The following OGDH variants were observed in gnomAD, a reference collection of about 807,000 sequenced individuals.
The protein encoded by OGDH is oxoglutarate dehydrogenase.
A neutral mutation model predicts 116.6 loss-of-function variants in OGDH; 38 were observed. The ratio of observed to expected loss-of-function variants is 0.33; its 90% CI spans 0.25 to 0.43. The LOEUF (loss-of-function observed/expected upper bound fraction) is 0.43, where lower values mean the gene tolerates loss of function less well. OGDH is among the 20% of genes least tolerant of loss of function. OGDH has a pLI of 1.00. For synonymous variants in OGDH, 488 were observed against 533.3 expected (o/e 0.92, Z 1.17); for missense variants, 825 against 1,357.2 (o/e 0.61, Z 6.16).
chr7:44,685,219 G>A (rs937359974), intron 10 of OGDH, among the ~76,000 whole-genome samples: 3 of 152,088 alleles, frequency 2.0e-5, no homozygotes, highest in African/African-American at 7.2e-5. Context: ...CTCCAAAACT[G>A]TTTCGTCTCC....
In OGDH at chr7:44,697,820, G is replaced by T. The variant is rs1286658766; in HGVS notation, c.2358+38G>T. 1 of 1,595,298 alleles carries T rather than the reference G, an allele frequency of 6.3e-7. No homozygotes were observed. Among genetic ancestry groups the T allele is most frequent in the Admixed American group, 1.7e-5 (1 of 58,448 alleles). On this transcript the variant is annotated intron_variant, in intron 17 of 22. Coordinates refer to ENST00000222673, the MANE Select transcript of OGDH (RefSeq NM_002541.4). The surrounding 1 kb of genome is among the most constrained non-coding windows in gnomAD (Gnocchi z 6.0). Reference sequence around the variant, plus strand: ...CCCTTCCCTGCCAGACCTAGGACTTGGGAAGGGCCTGTGTAGGACCCTGAC... The same window carrying T: ...CCCTTCCCTGCCAGACCTAGGACTTTGGAAGGGCCTGTGTAGGACCCTGAC...
intron 2 of OGDH, among the ~76,000 whole-genome samples, chr7:44,638,297 G>A (rs1185003054): frequency 6.6e-6 from 1 of 152,170 alleles, no homozygotes; most frequent in Non-Finnish European, 1.5e-5. Context: ...AGAAGTCCCT[G>A]TCACCGCCCT....
chr7:44,635,441 C>CCG (rs1009314779), intron 2 of OGDH, among the ~76,000 whole-genome samples: 1 of 152,024 alleles, frequency 6.6e-6, no homozygotes, highest in Non-Finnish European at 1.5e-5. Flanking sequence ...CCTGCCCCAC[C>CCG]CGCGCCGCGG....
intron 2 of OGDH, among the ~76,000 whole-genome samples, chr7:44,637,135 C>T (rs907360154): frequency 6.6e-6 from 1 of 152,222 alleles, no homozygotes; most frequent in African/African-American, 2.4e-5. Context: ...ACCATCTGTA[C>T]ACCCTGCATG....
At chr7:44,698,802 C>T (rs1034321877) in intron 18 of OGDH, among the ~76,000 whole-genome samples, 5 of 150,760 alleles carry the variant, frequency 3.3e-5, no homozygotes, top group Non-Finnish European at 5.9e-5. Flanking sequence ...GATCGTGCCA[C>T]TGCACTCCAA....
In OGDH at chr7:44,694,925, G is replaced by A. The variant is rs117556004; in HGVS notation, c.1668+349G>A. Among the ~76,000 whole-genome samples, 161 of 152,246 alleles carry A rather than the reference G, an allele frequency of 1.1e-3. No homozygotes were observed. Among genetic ancestry groups the A allele is most frequent in the Non-Finnish European group, 1.9e-3 (127 of 68,030 alleles). On this transcript the variant is annotated intron_variant, in intron 12 of 22. Coordinates refer to ENST00000222673, the MANE Select transcript of OGDH (RefSeq NM_002541.4). The surrounding 1 kb of genome is among the most constrained non-coding windows in gnomAD (Gnocchi z 4.2). ...TAAGGGGCCTGTTGTAATCTGGATA[G>A]TAAGTGCTGGTTGGTTGTGAGTGGG... is the stretch of plus-strand genomic sequence containing the variant.
chr7:44,674,301 T>C lies in OGDH; in HGVS notation c.789-110T>C. 2.2e-6 allele frequency: 3 copies of C among 1,386,736 alleles called. No homozygotes were observed. The South Asian group carries it at 3.8e-5, about 18-fold the overall frequency. 85.9% of individuals were successfully genotyped at this position (1,386,736 alleles called of 1,614,324 possible). A position where few individuals can be genotyped will look rare whatever the true frequency, so the allele number is the denominator to read the frequency against. ...CTCAGCTGATCTGCCCACCTCGGCC[T>C]CCCAAGGTGCTGGGATTACAGGTGT... On this transcript the variant is annotated intron_variant, in intron 6 of 22. Transcript: ENST00000222673.
intron 6 of OGDH, 103 bp downstream of exon 6, chr7:44,674,044 G>A (rs1388169904): frequency 1.5e-6 from 2 of 1,360,902 alleles, no homozygotes; most frequent in Non-Finnish European, 2.0e-6. Flanking sequence ...GAGGTGAGAG[G>A]GGGTTTGGGG....
Position 44,675,984 on chromosome 7 carries a change from G to C in OGDH, c.1041G>C (p.Val347=). The part of the protein sequence containing the change: ...LEAADEGSGD[V]KYHLGMYHRR... The stretch of plus-strand genomic sequence containing the variant: ...TACCCCATCAGGGCTCCGGAGATGT[G>C]AAGTACCACCTGGGCATGTATCACC... Residue 347 remains valine (V), a synonymous_variant, in exon 9 of 23, where the codon GTG becomes GTC. Coordinates refer to ENST00000222673, the MANE Select transcript of OGDH (RefSeq NM_002541.4). 1 of 1,614,034 alleles carries C rather than the reference G, an allele frequency of 6.2e-7. No homozygotes were observed. Among genetic ancestry groups the C allele is most frequent in the Non-Finnish European group, 8.5e-7 (1 of 1,179,958 alleles).
chr7:44,671,976 G>A (rs1267859111), intron 5 of OGDH, among the ~76,000 whole-genome samples: 1 of 152,030 alleles, frequency 6.6e-6, no homozygotes, highest in African/African-American at 2.4e-5. Flanking sequence ...GGCTGAGGCA[G>A]GAGAATGGTG....
At chr7:44,619,783 G>T (rs1784939457) in intron 1 of OGDH, among the ~76,000 whole-genome samples, 1 of 151,968 alleles carries the variant, frequency 6.6e-6, no homozygotes, top group Non-Finnish European at 1.5e-5. Flanking sequence ...ATATATCTAG[G>T]AGTGTAATTG....
rs565270271 is a variant in OGDH, at chr7:44,670,838, G to A, written c.634-2949G>A. Among the ~76,000 whole-genome samples, 18 of 151,704 alleles carry A rather than the reference G, an allele frequency of 1.2e-4. No individual in the cohort carries two copies. In the South Asian group the frequency reaches 1.9e-3, roughly 16 times the overall value. Reference sequence around the variant, plus strand: ...ATCCTAGCTAACACAGTGAAACCCCGTCTCTACTAAAAATAGAAGAAAATT... The same window carrying A: ...ATCCTAGCTAACACAGTGAAACCCCATCTCTACTAAAAATAGAAGAAAATT... On this transcript the variant is annotated intron_variant, in intron 5 of 22. Transcript: ENST00000222673.
intron 2 of OGDH, among the ~76,000 whole-genome samples, chr7:44,630,360 T>A (rs1785386711): frequency 6.6e-6 from 1 of 152,168 alleles, no homozygotes; most frequent in Non-Finnish European, 1.5e-5. Context: ...GATGTGCTCA[T>A]AAGGAGATCT....
chr7:44,698,156 G>A, intron 17 of OGDH, 36 bp from the exon 18 acceptor site: 1 of 1,612,204 alleles, frequency 6.2e-7, no homozygotes, highest in Non-Finnish European at 8.5e-7. Context: ...CAGTACGCAA[G>A]AGCTCTTAAA....
intron 4 of OGDH, among the ~76,000 whole-genome samples, chr7:44,648,884 C>G (rs574317358): frequency 3.3e-5 from 5 of 152,152 alleles, no homozygotes; most frequent in African/African-American, 1.2e-4. Flanking sequence ...TGAGTTGAAC[C>G]CTGCTTTTTC....
At chr7:44,656,639 A>G (rs963796346) in intron 4 of OGDH, among the ~76,000 whole-genome samples, 1 of 152,170 alleles carries the variant, frequency 6.6e-6, no homozygotes, top group African/African-American at 2.4e-5. Context: ...GTGAGCTGCC[A>G]TCTTCAGCAT....
intron 5 of OGDH, among the ~76,000 whole-genome samples, chr7:44,668,350 T>C (rs58818452): frequency 0.05 from 7,550 of 152,178 alleles, 594 homozygotes; most frequent in African/African-American, 0.17. Context: ...CGCAGATAAT[T>C]GCTTGAACCT....
At chr7:44,652,526 G>A (rs1786496288) in intron 4 of OGDH, among the ~76,000 whole-genome samples, 1 of 152,086 alleles carries the variant, frequency 6.6e-6, no homozygotes, top group African/African-American at 2.4e-5. Context: ...TGGGGAAAGA[G>A]GGTTGAGAGT....
At chr7:44,650,983 C>T (rs1030836260) in intron 4 of OGDH, among the ~76,000 whole-genome samples, 12 of 152,248 alleles carry the variant, frequency 7.9e-5, no homozygotes, top group African/African-American at 2.9e-4. Context: ...AACAGGCTCA[C>T]AGCAGTGATC....
Sources: gnomAD v4.1 joint callset for allele counts (sites outside exome capture counted in the v4.1 genomes callset) on GRCh38, gnomAD v4.1.1 for gene constraint, Gnocchi (gnomAD v3.1) non-coding constraint, MANE v1.5 for transcripts, NCBI Gene and HGNC (gene_info 2026-07-23, HGNC 2026-07-21) for gene names.